Variants in EPHA3 observed in about 807,000 individuals in gnomAD.
EPHA3 encodes EPH receptor A3, also known as ephrin type-A receptor 3.
EPHA3 carries 42 observed loss-of-function variants against 107.1 expected under a neutral mutation model. The observed-to-expected ratio is 0.39, with a 90% CI of 0.31 to 0.51. The LOEUF (loss-of-function observed/expected upper bound fraction) is 0.51. Ranked by LOEUF, EPHA3 falls within the 20% of genes least tolerant of loss-of-function variation. The probability of loss-of-function intolerance (pLI) is 0.78; values close to 1 mark genes in which losing one functional copy is unlikely to be tolerated. For missense variants in EPHA3, 1,183 were observed against 1,211.2 expected (o/e 0.98, Z 0.35); for synonymous variants, 461 against 424.8 (o/e 1.09, Z -1.05).
intron 3 of EPHA3, among the ~76,000 whole-genome samples, chr3:89,266,788 T>A (rs190002808): frequency 6.6e-6 from 1 of 152,124 alleles, no homozygotes; most frequent in Non-Finnish European, 1.5e-5. Context: ...CAAAAACAAT[T>A]CAATAACAAA....
At chr3:89,451,354 T>C (rs1410163929) in intron 15 of EPHA3, among the ~76,000 whole-genome samples, 2 of 152,268 alleles carry the variant, frequency 1.3e-5, no homozygotes, top group East Asian at 3.9e-4. Flanking sequence ...AAGAAGAAAA[T>C]AAATATTAAT....
At chr3:89,411,331 A>G (rs1373570734) in intron 9 of EPHA3, among the ~76,000 whole-genome samples, 3 of 151,840 alleles carry the variant, frequency 2.0e-5, no homozygotes, top group Admixed American at 6.6e-5. Context: ...ACTTCTAGAT[A>G]GTGGTGTCCT....
chr3:89,171,970 G>A (rs988384251), intron 2 of EPHA3, among the ~76,000 whole-genome samples: 1 of 152,120 alleles, frequency 6.6e-6, no homozygotes, highest in Non-Finnish European at 1.5e-5. Flanking sequence ...GTAGTGTTCT[G>A]TGAGATAGAT....
intron 5 of EPHA3, among the ~76,000 whole-genome samples, chr3:89,393,926 A>C (rs901295279): frequency 1.3e-5 from 2 of 152,036 alleles, no homozygotes; most frequent in Non-Finnish European, 2.9e-5. Flanking sequence ...AGCAAATTGC[A>C]GGGTTGTGGG....
chr3:89,219,743 C>T (rs1704321067), intron 3 of EPHA3, among the ~76,000 whole-genome samples: 1 of 61,320 alleles, frequency 1.6e-5, no homozygotes, highest in Non-Finnish European at 3.3e-5. Context: ...GAGTCTCGCT[C>T]TGTCGCCCAG....
In EPHA3 at chr3:89,435,456, T is replaced by A. The variant is rs545345852; in HGVS notation, c.2346+4097T>A. Among the ~76,000 whole-genome samples, 1,341 of 144,996 alleles carry A rather than the reference T, an allele frequency of 9.2e-3. 22 individuals are homozygous for A. The highest frequency in any genetic ancestry group is 0.032 in the African/African-American group (1,270 of 39,786). On this transcript the variant is annotated intron_variant, in intron 13 of 16. Transcript: ENST00000336596. ...CTCTGTTAAAAAATATATATATATATAAATATATATTTATATATATAAATA... is the reference window on the plus strand; with the variant it reads ...CTCTGTTAAAAAATATATATATATAAAAATATATATTTATATATATAAATA...
chr3:89,317,053 C>A (rs1706925992), intron 3 of EPHA3, among the ~76,000 whole-genome samples: 1 of 151,756 alleles, frequency 6.6e-6, no homozygotes, highest in African/African-American at 2.4e-5. Flanking sequence ...CCACTCAAGG[C>A]TGCCCTCCTT....
chr3:89,286,901 T>C (rs571214171), intron 3 of EPHA3, among the ~76,000 whole-genome samples: 1 of 152,146 alleles, frequency 6.6e-6, no homozygotes, highest in Admixed American at 6.6e-5. Context: ...CTGCAACATG[T>C]CCTTGTTTTG....
intron 3 of EPHA3, among the ~76,000 whole-genome samples, chr3:89,303,319 T>G (rs1250001469): frequency 6.6e-6 from 1 of 151,756 alleles, no homozygotes; most frequent in Admixed American, 6.6e-5. Flanking sequence ...TTTCTGTCTA[T>G]TGTTCACTGT....
Position 89,428,353 on chromosome 3 carries a change from A to G in EPHA3, c.2075-753A>G, listed in dbSNP as rs1709497724. Among the ~76,000 whole-genome samples, 7 of 152,046 alleles carry G rather than the reference A, an allele frequency of 4.6e-5. No homozygotes were observed. In the South Asian group the frequency reaches 1.4e-3, roughly 31 times the overall value. ...TAATACTTAATATGTTAATATATAA[A>G]TTAATTACACCAGCATCATGCTCAC... On this transcript the variant is annotated intron_variant, in intron 11 of 16. Transcript: ENST00000336596.
chr3:89,463,143 G>A (rs1276437985), intron 15 of EPHA3, among the ~76,000 whole-genome samples: 1 of 6,792 alleles, frequency 1.5e-4, no homozygotes. Flanking sequence ...ATTGATTTGC[G>A]TATATTGAAC....
At chr3:89,161,856 A>G (rs1704950783) in intron 2 of EPHA3, among the ~76,000 whole-genome samples, 1 of 151,934 alleles carries the variant, frequency 6.6e-6, no homozygotes, top group Non-Finnish European at 1.5e-5. Context: ...GCATGCCTGT[A>G]GTCTCAGCTA....
intron 11 of EPHA3, among the ~76,000 whole-genome samples, chr3:89,425,826 A>C (rs1709444425): frequency 6.6e-6 from 1 of 151,574 alleles, no homozygotes; most frequent in South Asian, 2.1e-4. Flanking sequence ...TGGAATTCTT[A>C]GACATTTTGA....
At chr3:89,467,260 A>G (rs916760600) in intron 15 of EPHA3, among the ~76,000 whole-genome samples, 1 of 152,170 alleles carries the variant, frequency 6.6e-6, no homozygotes, top group African/African-American at 2.4e-5. Flanking sequence ...CTATTCTCAA[A>G]CAATAATAAA....
chr3:89,281,004 A>ATTTTTTTTTTATTTAT (rs71105126), intron 3 of EPHA3, among the ~76,000 whole-genome samples: 117 of 147,362 alleles, frequency 7.9e-4, no homozygotes, highest in African/African-American at 1.9e-3. Context: ...CAAGATTTTT[A>ATTTTTTTTTTATTTAT]TTATTTATTT....
At chr3:89,219,688 G>GTGTTTTTTTTTGTTTTTTTTTGTTTTTTT in intron 3 of EPHA3, among the ~76,000 whole-genome samples, 1 of 34,440 alleles carries the variant, frequency 2.9e-5, no homozygotes, top group East Asian at 8.5e-4. Flanking sequence ...ATTTGGCAAT[G>GTGTTTTTTTTTGTTTTTTTTTGTTTTTTT]TTTTTTTTTT....
At chr3:89,368,431 A>G (rs980014752) in intron 5 of EPHA3, among the ~76,000 whole-genome samples, 1 of 150,434 alleles carries the variant, frequency 6.6e-6, no homozygotes, top group Non-Finnish European at 1.5e-5. Context: ...GGAGGCCAGA[A>G]AGTTCCACAA....
intron 14 of EPHA3, 91 bp from the exon 15 acceptor site, chr3:89,450,086 A>G: frequency 9.7e-7 from 1 of 1,027,096 alleles, no homozygotes; most frequent in Non-Finnish European, 1.4e-6. Flanking sequence ...CTTTAAAATA[A>G]GCATATTTGT....
At chr3:89,392,769 G>T (rs1415642029) in intron 5 of EPHA3, among the ~76,000 whole-genome samples, 1 of 151,920 alleles carries the variant, frequency 6.6e-6, no homozygotes, top group Non-Finnish European at 1.5e-5. Context: ...TTAGTAATTT[G>T]AACAAATCAC....
Sources: gnomAD v4.1 joint callset for allele counts (sites outside exome capture counted in the v4.1 genomes callset) on GRCh38, gnomAD v4.1.1 for gene constraint, MANE v1.5 for transcripts, NCBI Gene and HGNC (gene_info 2026-07-23, HGNC 2026-07-21) for gene names.